Variants in SIM2 observed in about 807,000 individuals in gnomAD.
SIM2 encodes SIM bHLH transcription factor 2.
A neutral mutation model predicts 64.8 loss-of-function variants in SIM2; 28 were observed. That is an observed-to-expected ratio of 0.43 (90% CI 0.32 to 0.59). The LOEUF (loss-of-function observed/expected upper bound fraction) is 0.59. SIM2 is among the 20% of genes least tolerant of loss of function. The pLI is 0.07. For synonymous variants in SIM2, 408 were observed against 391.1 expected (o/e 1.04, Z -0.51); for missense variants, 847 against 871.4 (o/e 0.97, Z 0.35).
intron 3 of SIM2, among the ~76,000 whole-genome samples, chr21:36,716,248 C>T (rs904889614): frequency 3.3e-5 from 5 of 152,164 alleles, no homozygotes; most frequent in Admixed American, 6.6e-5. Context: ...GAAAAATCCC[C>T]GTGTAAAAAT....
At chr21:36,712,831 T>G (rs1032193623) in intron 3 of SIM2, among the ~76,000 whole-genome samples, 1 of 152,210 alleles carries the variant, frequency 6.6e-6, no homozygotes, top group Non-Finnish European at 1.5e-5. Flanking sequence ...TCTTTTTCCC[T>G]TGGGGTTTCA....
intron 9 of SIM2, 74 bp from the exon 10 acceptor site, chr21:36,744,654 G>T: frequency 2.0e-6 from 3 of 1,487,428 alleles, no homozygotes; most frequent in Non-Finnish European, 2.7e-6. Flanking sequence ...CCGTCGGGAC[G>T]GTTCTTGCAG....
At chr21:36,709,852 G>A (rs1776199442) in intron 2 of SIM2, 2 of 224,314 alleles carry the variant, frequency 8.9e-6, no homozygotes, top group Non-Finnish European at 1.8e-5. Context: ...TTTTTGAGAC[G>A]GAGTCTCACT....
chr21:36,723,194 C>T lies in SIM2; in HGVS notation c.543+64C>T, dbSNP rs558262246. On this transcript the variant is annotated intron_variant, in intron 5 of 10. Coordinates refer to ENST00000290399, the MANE Select transcript of SIM2 (RefSeq NM_005069.6). ...GGTCTTCAATGTGTGTTTTCAAGAGCGTCTGCAGAAAGGAAGGCACGGGAG... is the reference window on the plus strand; with the variant it reads ...GGTCTTCAATGTGTGTTTTCAAGAGTGTCTGCAGAAAGGAAGGCACGGGAG... The T allele has an allele frequency of 1.2e-5, 17 of 1,369,390 alleles. No homozygotes were observed. In the African/African-American group the frequency reaches 1.7e-4, roughly 14 times the overall value. 84.8% of individuals were successfully genotyped at this position (1,369,390 alleles called of 1,614,324 possible).
rs932337680 is a variant in SIM2 at position 36,738,459 on chromosome 21, C to T, written c.851-3258C>T. Among the ~76,000 whole-genome samples, 4 of 151,910 alleles carry T rather than the reference C, an allele frequency of 2.6e-5. No homozygotes were observed. The East Asian group carries it at 5.8e-4, about 22-fold the overall frequency. On this transcript the variant is annotated intron_variant, in intron 7 of 10. Coordinates refer to ENST00000290399, the MANE Select transcript of SIM2 (RefSeq NM_005069.6). ...GGCGGAGGTTGCAGTGAGCTGAGCTCATGCCACTGCACTCCAGCCTGGGTG... is the reference window on the plus strand; with the variant it reads ...GGCGGAGGTTGCAGTGAGCTGAGCTTATGCCACTGCACTCCAGCCTGGGTG...
intron 2 of SIM2, chr21:36,709,808 A>G: frequency 4.4e-6 from 1 of 226,894 alleles, no homozygotes; most frequent in Non-Finnish European, 8.7e-6. Flanking sequence ...TGGTTTTTCA[A>G]TTTGTTTTGT....
At position 36,747,710 on chromosome 21, in the gene SIM2, C is replaced by A; in HGVS notation, c.1622C>A (p.Pro541Gln). ...VRRFGEDTAP[P>Q]SFPSCGHYRE... is the part of the protein sequence containing the mutation. ...AGGTTCGGCGAGGACACCGCGCCCC[C>A]GAGCTTCCCGAGCTGCGGCCACTAC... Residue 541 changes from proline to glutamine, a missense_variant, in exon 11 of 11, where the codon CCG becomes CAG. Around this residue, in one of 3 missense-constraint regions of SIM2, gnomAD observed 447 missense variants for 414.6 expected, o/e 1.08. Transcript: ENST00000290399. The surrounding 1 kb of genome is among the most constrained non-coding windows in gnomAD (Gnocchi z 4.5). 7.8e-7 allele frequency: 1 copy of A among 1,277,812 alleles called. No individual in the cohort carries two copies. Among genetic ancestry groups the A allele is most frequent in the South Asian group, 2.5e-5 (1 of 40,740 alleles). 79.2% of individuals were successfully genotyped at this position (1,277,812 alleles called of 1,614,324 possible). A position where few individuals can be genotyped will look rare whatever the true frequency, so the allele number is the denominator to read the frequency against.
Position 36,731,144 on chromosome 21 carries a change from C to CCA in SIM2, c.845_846dup (p.Leu283ThrfsTer5). Reference sequence around the variant, plus strand: ...ACGTGTTCCACCTCCGCTACGCACACCACCTCCGTGAGTAGCACGCCCACC... The same window carrying CCA: ...ACGTGTTCCACCTCCGCTACGCACACCACACCTCCGTGAGTAGCACGCCCACC... On this transcript the variant is annotated frameshift_variant, in exon 7 of 11. Transcript: ENST00000290399. LOFTEE classifies it high-confidence loss of function. 6.2e-7 allele frequency: 1 copy of CCA among 1,612,748 alleles called. No homozygotes were observed. The highest frequency in any genetic ancestry group is 8.5e-7 in the Non-Finnish European group (1 of 1,179,008).
intron 7 of SIM2, among the ~76,000 whole-genome samples, chr21:36,735,071 G>A (rs1218020749): frequency 6.6e-6 from 1 of 152,202 alleles, no homozygotes; most frequent in Non-Finnish European, 1.5e-5. Context: ...GGAGGCTGGC[G>A]CTCAACGCCG....
At position 36,744,765 on chromosome 21, in the gene SIM2, G is replaced by A; in HGVS notation, c.1205G>A (p.Gly402Asp). 1 of 1,611,076 alleles carries A rather than the reference G, an allele frequency of 6.2e-7. No homozygotes were observed. The highest frequency in any genetic ancestry group is 1.1e-5 in the South Asian group (1 of 90,432). The change falls in exon 10 of 11, where the codon GGC becomes GAC. Residue 402 changes from glycine (G) to aspartate (D), a missense_variant. Gly to Asp is a moderately conservative substitution (Grantham distance 94). Transcript: ENST00000290399. ...TTCCAAATGGACAAACTGGAATGCG[G>A]CCAGCTCGGAAACTGGAGAGCCAGT... is the stretch of plus-strand genomic sequence containing the variant. Reference protein sequence around the residue: ...SSFQMDKLECGQLGNWRASPP... With the variant: ...SSFQMDKLECDQLGNWRASPP...
At chr21:36,742,010 T>G (rs1233542510) in intron 8 of SIM2, 146 bp downstream of exon 8, 12 of 996,034 alleles carry the variant, frequency 1.2e-5, no homozygotes, top group Non-Finnish European at 1.7e-5. Context: ...AATTTTTTTT[T>G]TTTAGGAATC....
chr21:36,742,634 T>C (rs1373058006), intron 8 of SIM2, among the ~76,000 whole-genome samples: 2 of 152,116 alleles, frequency 1.3e-5, no homozygotes, highest in Non-Finnish European at 2.9e-5. Context: ...CCACCCACCA[T>C]AGCTATTGTA....
rs1018669135 is a variant in SIM2, at chr21:36,730,979, A to T, written c.744-66A>T. 3 of 1,169,262 alleles carry T rather than the reference A, an allele frequency of 2.6e-6. No individual in the cohort carries two copies. In the East Asian group the frequency reaches 7.1e-5, roughly 28 times the overall value. The allele number at this position is 1,169,262 out of a possible 1,614,324, so 72.4% of individuals were successfully genotyped here. On this transcript the variant is annotated intron_variant, in intron 6 of 10. Transcript: ENST00000290399. ...AGCACTTGATTAGTTGGCAAAACCA[A>T]TATTAGTTTAAATGAAAGGCAGTCT...
rs746714059 is a variant in SIM2, at chr21:36,743,565, A to G, written c.1167+10A>G. ...CCCTTACCCCCCACAGGTAACACGC[A>G]TGTCCTGCAGTTTTGGGGTGCTGAC... On this transcript the variant is annotated intron_variant, in intron 9 of 10. Coordinates refer to ENST00000290399, the MANE Select transcript of SIM2 (RefSeq NM_005069.6). 1.2e-6 allele frequency: 2 copies of G among 1,611,816 alleles called. No individual in the cohort carries two copies. Among genetic ancestry groups the G allele is most frequent in the East Asian group, 2.2e-5 (1 of 44,866 alleles).
chr21:36,699,763 A>G lies in SIM2; in HGVS notation c.17A>G (p.Lys6Arg). The change falls in exon 1 of 11, where the codon AAG becomes AGG. Residue 6 changes from lysine to arginine, a missense_variant. Around this residue, in one of 3 missense-constraint regions of SIM2, gnomAD observed 397 missense variants for 439.2 expected, o/e 0.90. Transcript: ENST00000290399. This position sits in a 1 kb window ranked among gnomAD's most constrained non-coding sequence, Gnocchi z 5.6. MKEKSKNAAKTRREKE... is the reference protein window; with the variant it reads MKEKSRNAAKTRREKE... Reference sequence around the variant, plus strand: ...CGAGGCGCGATGAAGGAGAAGTCCAAGAATGCGGCCAAGACCAGGAGGGAG... The same window carrying G: ...CGAGGCGCGATGAAGGAGAAGTCCAGGAATGCGGCCAAGACCAGGAGGGAG... 1 of 1,612,818 alleles carries G rather than the reference A, an allele frequency of 6.2e-7. No homozygotes were observed. The highest frequency in any genetic ancestry group is 8.5e-7 in the Non-Finnish European group (1 of 1,179,298).
rs1230643040 is a variant in SIM2 at position 36,743,541 on chromosome 21, C to T, written c.1153C>T (p.Pro385Ser). 3 of 1,613,594 alleles carry T rather than the reference C, an allele frequency of 1.9e-6. No individual in the cohort carries two copies. Among genetic ancestry groups the T allele is most frequent in the African/African-American group, 1.3e-5 (1 of 74,912 alleles). ...GATGAAGACAAAGCTGAGAACAAAC[C>T]CTTACCCCCCACAGGTAACACGCAT... ...TKMKTKLRTN[P>S]YPPQQYSSFQ... The change falls in exon 9 of 11, where the codon CCT becomes TCT. Residue 385 changes from proline (P) to serine (S), a missense_variant. Pro to Ser is a moderately conservative substitution (Grantham distance 74, BLOSUM62 -1). This residue lies in a region of SIM2 where 447 missense variants were observed against 414.6 expected (regional missense o/e 1.08). Coordinates refer to ENST00000290399, the MANE Select transcript of SIM2 (RefSeq NM_005069.6).
intron 7 of SIM2, among the ~76,000 whole-genome samples, chr21:36,734,053 T>C (rs2089011527): frequency 6.6e-6 from 1 of 152,142 alleles, no homozygotes; most frequent in Non-Finnish European, 1.5e-5. Flanking sequence ...CAGGGGACAC[T>C]TGTCCAAGGG....
At chr21:36,733,139 C>T (rs2088993557) in intron 7 of SIM2, among the ~76,000 whole-genome samples, 1 of 152,214 alleles carries the variant, frequency 6.6e-6, no homozygotes, top group Non-Finnish European at 1.5e-5. Context: ...CCCCGAATTA[C>T]AGCAAGAGAA....
At chr21:36,703,954 G>A (rs2088542184) in intron 1 of SIM2, among the ~76,000 whole-genome samples, 2 of 152,244 alleles carry the variant, frequency 1.3e-5, no homozygotes, top group South Asian at 4.1e-4. Context: ...TGGCACAACA[G>A]GCTGGTCCCA....
Sources: gnomAD v4.1 joint callset for allele counts (sites outside exome capture counted in the v4.1 genomes callset) on GRCh38, gnomAD v4.1.1 for gene constraint, gnomAD v4.1.1 regional missense constraint, Gnocchi (gnomAD v3.1) non-coding constraint, MANE v1.5 for transcripts, NCBI Gene and HGNC (gene_info 2026-07-23, HGNC 2026-07-21) for gene names.